Variants in GRID2 observed in about 807,000 individuals in gnomAD.
GRID2 encodes glutamate receptor ionotropic, delta-2.
GRID2 carries 33 observed loss-of-function variants against 114.8 expected under a neutral mutation model. The ratio of observed to expected loss-of-function variants is 0.29; its 90% CI spans 0.22 to 0.38. The LOEUF (loss-of-function observed/expected upper bound fraction) is 0.38, where lower values mean the gene tolerates loss of function less well. Ranked by LOEUF, GRID2 falls within the 10% of genes least tolerant of loss-of-function variation. GRID2 has a pLI of 1.00. For synonymous variants in GRID2, 505 were observed against 449.9 expected (o/e 1.12, Z -1.55); for missense variants, 1,184 against 1,257.7 (o/e 0.94, Z 0.89).
chr4:92,841,903 C>A (rs929888441), intron 2 of GRID2, among the ~76,000 whole-genome samples: 5 of 151,774 alleles, frequency 3.3e-5, no homozygotes, highest in Non-Finnish European at 5.9e-5. Context: ...GCATTTATAC[C>A]AGCTAAGGAC....
chr4:93,011,527 C>G (rs1366876566), intron 2 of GRID2, among the ~76,000 whole-genome samples: 1 of 151,976 alleles, frequency 6.6e-6, no homozygotes, highest in Non-Finnish European at 1.5e-5. Context: ...CCAGGAGCCC[C>G]CAGCCCCCAG....
At chr4:93,223,191 T>C (rs748655298) in intron 6 of GRID2, among the ~76,000 whole-genome samples, 5 of 152,176 alleles carry the variant, frequency 3.3e-5, no homozygotes, top group Admixed American at 6.6e-5. Flanking sequence ...GCCATTCTTT[T>C]GTAGTCTATC....
chr4:93,168,940 A>G (rs1271754418), intron 4 of GRID2, among the ~76,000 whole-genome samples: 2 of 152,124 alleles, frequency 1.3e-5, no homozygotes, highest in Admixed American at 1.3e-4. Flanking sequence ...AAAAGTTAAT[A>G]TTTTATTTAC....
At chr4:92,961,272 TTCTTTA>T (rs1335798702) in intron 2 of GRID2, among the ~76,000 whole-genome samples, 11 of 151,878 alleles carry the variant, frequency 7.2e-5, no homozygotes, top group Non-Finnish European at 1.5e-4. Context: ...CTGATGCTCT[TTCTTTA>T]TGTTGATACA....
chr4:92,822,337 C>A, intron 2 of GRID2: 1 of 628,018 alleles, frequency 1.6e-6, no homozygotes, highest in South Asian at 1.4e-5. Context: ...GAGAGACAGT[C>A]ACAGTGTTCA....
At chr4:92,852,906 C>T (rs959911004) in intron 2 of GRID2, among the ~76,000 whole-genome samples, 1 of 151,886 alleles carries the variant, frequency 6.6e-6, no homozygotes, top group Non-Finnish European at 1.5e-5. Context: ...TGTGATTCTC[C>T]CTTATGCCTT....
chr4:93,753,540 G>C (rs1006659979), intron 14 of GRID2, among the ~76,000 whole-genome samples: 5 of 151,952 alleles, frequency 3.3e-5, no homozygotes, highest in African/African-American at 7.3e-5. Context: ...TCCCCACCCT[G>C]TGTCCAAGTG....
At chr4:93,687,835 C>A (rs1010109743) in intron 14 of GRID2, among the ~76,000 whole-genome samples, 1 of 151,112 alleles carries the variant, frequency 6.6e-6, no homozygotes, top group African/African-American at 2.4e-5. Flanking sequence ...GAACTGGAAT[C>A]AAAGCTAAGT....
intron 13 of GRID2, among the ~76,000 whole-genome samples, chr4:93,567,176 C>A (rs1735506180): frequency 6.6e-6 from 1 of 152,146 alleles, no homozygotes; most frequent in African/African-American, 2.4e-5. Flanking sequence ...TAAGAAAATA[C>A]AAATCATGAT....
rs561844485 is a variant in GRID2 at position 92,844,778 on chromosome 4, C to G, written c.245-240217C>G. On this transcript the variant is annotated intron_variant, in intron 2 of 15. Transcript: ENST00000282020. ...AAATCTGGCTAGACCAGCTCACATT[C>G]CCAAACAATCACACAAGATGTCTAT... 3.8e-3 allele frequency among the ~76,000 whole-genome samples: 580 copies of G among 151,822 alleles called. 2 individuals carry two copies. The highest frequency in any genetic ancestry group is 6.2e-3 in the Admixed American group (95 of 15,244).
At chr4:93,710,582 C>T (rs2110165474) in intron 14 of GRID2, among the ~76,000 whole-genome samples, 1 of 152,278 alleles carries the variant, frequency 6.6e-6, no homozygotes, top group Non-Finnish European at 1.5e-5. Flanking sequence ...TATTATCTGG[C>T]TACAACTAAT....
intron 1 of GRID2, among the ~76,000 whole-genome samples, chr4:92,531,115 A>T (rs1725334063): frequency 1.3e-5 from 2 of 152,122 alleles, no homozygotes; most frequent in African/African-American, 4.8e-5. Flanking sequence ...AAATAAAAAA[A>T]CTTTGTGGGG....
chr4:92,441,013 G>T (rs912298670), intron 1 of GRID2, among the ~76,000 whole-genome samples: 6 of 151,896 alleles, frequency 4.0e-5, no homozygotes, highest in Admixed American at 6.6e-5. Context: ...TTGTGATTTT[G>T]AGGGCCTCTA....
In GRID2 at chr4:92,673,250, T is replaced by C. The variant is rs1260492502; in HGVS notation, c.244+82964T>C. ...TCTTTCACTTACTATATTCAATCTT[T>C]TGGATAAATATACCACATCATCTAT... On this transcript the variant is annotated intron_variant, in intron 2 of 15. Coordinates refer to ENST00000282020, the MANE Select transcript of GRID2 (RefSeq NM_001510.4). 2.0e-5 allele frequency among the ~76,000 whole-genome samples: 3 copies of C among 152,180 alleles called. No homozygotes were observed. In the East Asian group the frequency reaches 5.8e-4, roughly 29 times the overall value.
chr4:92,827,982 A>G (rs1741844659), intron 2 of GRID2, among the ~76,000 whole-genome samples: 1 of 152,042 alleles, frequency 6.6e-6, no homozygotes, highest in Non-Finnish European at 1.5e-5. Context: ...ATCTCCACAA[A>G]TGATCAGATT....
rs188968950 is a variant in GRID2 at position 92,326,226 on chromosome 4, G to A, written c.88+21482G>A. Among the ~76,000 whole-genome samples, 460 of 151,982 alleles carry A rather than the reference G, an allele frequency of 3.0e-3. 1 individual carries two copies. Among genetic ancestry groups the A allele is most frequent in the Non-Finnish European group, 4.8e-3 (324 of 67,838 alleles). On this transcript the variant is annotated intron_variant, in intron 1 of 15. Transcript: ENST00000282020. ...TTCCTAGATTTATAACTGATTAAAGGTCAGTAACTTATTGAGACATTTGGA... is the reference window on the plus strand; with the variant it reads ...TTCCTAGATTTATAACTGATTAAAGATCAGTAACTTATTGAGACATTTGGA...
chr4:93,801,089 T>C (rs1331303598), intron 1 of GRID2, among the ~76,000 whole-genome samples: 2 of 152,142 alleles, frequency 1.3e-5, no homozygotes, highest in East Asian at 3.8e-4. Context: ...TAGTAACAAA[T>C]TATTTTTTCA....
intron 2 of GRID2, among the ~76,000 whole-genome samples, chr4:92,845,996 T>G (rs1174953896): frequency 6.6e-6 from 1 of 152,168 alleles, no homozygotes; most frequent in East Asian, 1.9e-4. Flanking sequence ...GCTATTTAGG[T>G]TTTTTACCTC....
chr4:93,086,094 G>A (rs959523237), intron 3 of GRID2, among the ~76,000 whole-genome samples: 21 of 152,060 alleles, frequency 1.4e-4, no homozygotes, highest in African/African-American at 5.1e-4. Flanking sequence ...AAATAGAGAT[G>A]AGTATGATCA....
Sources: gnomAD v4.1 joint callset for allele counts (sites outside exome capture counted in the v4.1 genomes callset) on GRCh38, gnomAD v4.1.1 for gene constraint, MANE v1.5 for transcripts, NCBI Gene and HGNC (gene_info 2026-07-23, HGNC 2026-07-21) for gene names.